NMD3: variants seen among roughly 807,000 people sequenced by gnomAD.
NMD3 encodes the protein NMD3 ribosome export adaptor, also known as 60S ribosomal export protein NMD3.
NMD3 carries 47 observed loss-of-function variants against 73.1 expected under a neutral mutation model. The ratio of observed to expected loss-of-function variants is 0.64; its 90% CI spans 0.51 to 0.82. NMD3 has a LOEUF of 0.82. NMD3 is among the 40% of genes least tolerant of loss of function. The probability of loss-of-function intolerance (pLI) is 0.00; values close to 1 mark genes in which losing one functional copy is unlikely to be tolerated. For synonymous variants in NMD3, 210 were observed against 194.5 expected, an observed-to-expected ratio of 1.08 and a Z score of -0.66; for missense variants, 554 against 612.5, an observed-to-expected ratio of 0.90 and a Z score of 1.01.
At chr3:161,244,700 A>G (rs985766249) in intron 11 of NMD3, among the ~76,000 whole-genome samples, 8 of 145,154 alleles carry the variant, frequency 5.5e-5, no homozygotes, top group African/African-American at 1.5e-4. Context: ...CTGGAGTTCA[A>G]TGGTATGATC....
chr3:161,224,864 A>G lies in NMD3; in HGVS notation c.45-66A>G, dbSNP rs549529282. ...ACTTGAAGGCTTTTGTTTGTTTGGC[A>G]TCTAAAAAAAAATTTAGTGTATTTT... On this transcript the variant is annotated intron_variant, in intron 2 of 15. Transcript: ENST00000351193. 2.4e-4 allele frequency: 353 copies of G among 1,465,624 alleles called. No homozygotes were observed. In the Middle Eastern group the frequency reaches 9.7e-3, roughly 40 times the overall value. 90.8% of individuals were successfully genotyped at this position (1,465,624 alleles called of 1,614,324 possible). A position where few individuals can be genotyped will look rare whatever the true frequency, so the allele number is the denominator to read the frequency against.
intron 9 of NMD3, among the ~76,000 whole-genome samples, 165 bp downstream of exon 9, chr3:161,238,991 T>G (rs1182959676): frequency 5.3e-5 from 8 of 152,162 alleles, no homozygotes; most frequent in Admixed American, 5.2e-4. Flanking sequence ...AGATATATAT[T>G]TTTAAAAAAG....
chr3:161,241,951 T>A (rs1737001690), intron 10 of NMD3, among the ~76,000 whole-genome samples: 1 of 152,078 alleles, frequency 6.6e-6, no homozygotes, highest in South Asian at 2.1e-4. Context: ...TTGGTAGGTA[T>A]CTTAGTATTT....
intron 12 of NMD3, 115 bp downstream of exon 12, chr3:161,246,563 T>C: frequency 2.2e-6 from 1 of 446,742 alleles, no homozygotes; most frequent in Non-Finnish European, 4.1e-6. Context: ...CGAAGGGTTC[T>C]TAGGAGCCTT....
At chr3:161,229,695 A>G (rs1055757101) in intron 4 of NMD3, among the ~76,000 whole-genome samples, 22 of 152,204 alleles carry the variant, frequency 1.4e-4, no homozygotes, top group African/African-American at 4.3e-4. Context: ...AAACTGGAGG[A>G]CTGAATCCTG....
intron 11 of NMD3, among the ~76,000 whole-genome samples, 170 bp downstream of exon 11, chr3:161,242,823 G>A (rs778746282): frequency 9.9e-5 from 15 of 151,128 alleles, no homozygotes; most frequent in Non-Finnish European, 1.9e-4. Flanking sequence ...TGTGGTCATT[G>A]TGGAAATTGT....
In NMD3 at chr3:161,233,456, G is replaced by T. The variant is rs1284260289; in HGVS notation, c.334G>T (p.Val112Phe). 1.9e-6 allele frequency: 3 copies of T among 1,606,656 alleles called. No individual in the cohort carries two copies. Among genetic ancestry groups the T allele is most frequent in the East Asian group, 2.2e-5 (1 of 44,698 alleles). The part of the protein sequence containing the change: ...WTEPHSKRLK[V>F]KLTIQKEVMN... ...TGAGCCTCATTCTAAGAGACTTAAA[G>T]TTAAACTGACTATTCAGAAAGAGGT... Residue 112 changes from valine to phenylalanine, a missense_variant, in exon 5 of 16, where the codon GTT becomes TTT. By Grantham distance (50) the Val-to-Phe change is conservative. Coordinates refer to ENST00000351193, the MANE Select transcript of NMD3 (RefSeq NM_015938.5).
At position 161,235,208 on chromosome 3, in the gene NMD3, T is replaced by G. The variant is rs75648462; in HGVS notation, c.573T>G (p.Ile191Met). 10 of 1,462,462 alleles carry G rather than the reference T, an allele frequency of 6.8e-6. No homozygotes were observed. In the East Asian group the frequency reaches 2.3e-4, roughly 34 times the overall value. 90.6% of individuals were successfully genotyped at this position (1,462,462 alleles called of 1,614,324 possible). A position where few individuals can be genotyped will look rare whatever the true frequency, so the allele number is the denominator to read the frequency against. ...AGAATACACTTCGTATCAAAGAGAT[T>G]CATGGTGAGTTAAAACTCAAAAGCA... ...MHQNTLRIKE[I>M]HDGLDFYYSS... The change falls in exon 7 of 16, where the codon ATT becomes ATG. Residue 191 changes from isoleucine to methionine, a missense_variant. Coordinates refer to ENST00000351193, the MANE Select transcript of NMD3 (RefSeq NM_015938.5).
rs757699198 is a variant in NMD3, at chr3:161,250,933, A to T, written c.*23A>T. 40 of 1,600,114 alleles carry T rather than the reference A, an allele frequency of 2.5e-5. No individual in the cohort carries two copies. The highest frequency in any genetic ancestry group is 1.2e-4 in the Admixed American group (7 of 59,244). On this transcript the variant is annotated 3_prime_UTR_variant, in exon 16 of 16. Coordinates refer to ENST00000351193, the MANE Select transcript of NMD3 (RefSeq NM_015938.5). The stretch of plus-strand genomic sequence containing the variant: ...TAATGAGATGTTGTAGACTGTTTCC[A>T]TACATGGGCTTAAGAAGTTGGACAG...
chr3:161,246,306 A>G (rs771882281), intron 11 of NMD3, 30 bp from the exon 12 acceptor site: 1 of 773,370 alleles, frequency 1.3e-6, no homozygotes, highest in Non-Finnish European at 2.1e-6. Flanking sequence ...TGTTTAGATT[A>G]TTGAAGAGTA....
chr3:161,224,903 G>C, intron 2 of NMD3, 27 bp from the exon 3 acceptor site: 1 of 1,550,622 alleles, frequency 6.4e-7, no homozygotes, highest in African/African-American at 1.4e-5. Flanking sequence ...AATCTAATGT[G>C]AAAAATTTAT....
intron 1 of NMD3, 82 bp from the exon 2 acceptor site, chr3:161,221,912 C>CTCT: frequency 1.2e-6 from 1 of 836,084 alleles, no homozygotes; most frequent in Non-Finnish European, 1.8e-6. Flanking sequence ...TGGAGGAAGA[C>CTCT]GTAAAAAGAG....
chr3:161,238,619 C>T, intron 8 of NMD3, 111 bp from the exon 9 acceptor site: 1 of 645,420 alleles, frequency 1.5e-6, no homozygotes, highest in Non-Finnish European at 2.8e-6. Context: ...ATCATGAAGC[C>T]ATTTTAGACC....
intron 4 of NMD3, 23 bp from the exon 5 acceptor site, chr3:161,233,376 T>C (rs776526438): frequency 1.9e-6 from 3 of 1,578,810 alleles, no homozygotes; most frequent in Non-Finnish European, 2.6e-6. Flanking sequence ...CTTACGTTTC[T>C]TTTTGTTTGT....
In NMD3 at chr3:161,224,952, C is replaced by A. The variant is rs1229180051; in HGVS notation, c.67C>A (p.Pro23Thr). ...AAGCTTGTGCTGTGAGTGTGGTGTTCCGATAAGTCCAAATCCTGCCAATAT... is the reference window on the plus strand; with the variant it reads ...AAGCTTGTGCTGTGAGTGTGGTGTTACGATAAGTCCAAATCCTGCCAATAT... ...GHILCCECGV[P>T]ISPNPANICV... Residue 23 changes from proline to threonine, a missense_variant, in exon 3 of 16, where the codon CCG becomes ACG. Transcript: ENST00000351193. 1.5e-5 allele frequency: 24 copies of A among 1,612,262 alleles called. No homozygotes were observed. The highest frequency in any genetic ancestry group is 2.0e-5 in the Non-Finnish European group (23 of 1,179,260).
chr3:161,252,315 A>G (rs574563868), downstream of NMD3: 1 of 152,348 alleles, frequency 6.6e-6, no homozygotes, highest in African/African-American at 2.4e-5. Context: ...AAATGGTCGC[A>G]TTGGTGTCAT....
rs747695994 is a variant in NMD3 at position 161,227,265 on chromosome 3, A to G, written c.198A>G (p.Gly66=). 3.1e-5 allele frequency: 50 copies of G among 1,608,110 alleles called. No homozygotes were observed. The Middle Eastern group carries it at 8.3e-4, about 27-fold the overall frequency. The change falls in exon 4 of 16, where the codon GGA becomes GGG. Residue 66 remains glycine (G), a synonymous_variant. Coordinates refer to ENST00000351193, the MANE Select transcript of NMD3 (RefSeq NM_015938.5). ...CTTTTAGGTATTTTCAACCACCAGG[A>G]ACTTGGATACAGTGTGCTTTAGAAT... ...KQCQRYFQPP[G]TWIQCALESR...
At chr3:161,231,475 G>A (rs755666624) in intron 4 of NMD3, among the ~76,000 whole-genome samples, 7 of 152,158 alleles carry the variant, frequency 4.6e-5, no homozygotes, top group African/African-American at 1.2e-4. Context: ...TATTGAAATC[G>A]CTAGGTATTA....
intron 11 of NMD3, 106 bp downstream of exon 11, chr3:161,242,759 C>T (rs973764957): frequency 4.2e-6 from 4 of 946,708 alleles, no homozygotes; most frequent in Non-Finnish European, 4.6e-6. Context: ...GTATGGAATC[C>T]AAACTTAGCA....
Sources: gnomAD v4.1 joint callset for allele counts (sites outside exome capture counted in the v4.1 genomes callset) on GRCh38, gnomAD v4.1.1 for gene constraint, MANE v1.5 for transcripts, NCBI Gene and HGNC (gene_info 2026-07-23, HGNC 2026-07-21) for gene names.